NWD2: variants seen among roughly 807,000 people sequenced by gnomAD.
NWD2 encodes NACHT and WD repeat domain containing 2.
In NWD2, 37 loss-of-function variants were observed where a neutral mutation model predicts 132.7. The observed-to-expected ratio is 0.28, with a 90% CI of 0.21 to 0.37. NWD2 has a LOEUF of 0.37. Among genes scored for constraint, NWD2 ranks in the 10% least tolerant of loss-of-function variants. The pLI, the probability that NWD2 is intolerant of heterozygous loss-of-function variation, is 1.00. For missense variants in NWD2, 1,592 were observed against 2,122.4 expected, an observed-to-expected ratio of 0.75 and a Z score of 4.91; for synonymous variants, 705 against 803.0, an observed-to-expected ratio of 0.88 and a Z score of 2.06.
At chr4:37,254,449 T>C (rs1184897642) in intron 1 of NWD2, among the ~76,000 whole-genome samples, 1 of 152,236 alleles carries the variant, frequency 6.6e-6, no homozygotes, top group Non-Finnish European at 1.5e-5. Context: ...ACCAGGCAGC[T>C]TAAAGTTCCA....
chr4:37,364,229 C>T (rs1446733411), intron 3 of NWD2, among the ~76,000 whole-genome samples: 2 of 152,204 alleles, frequency 1.3e-5, no homozygotes, highest in East Asian at 3.9e-4. Flanking sequence ...GAGAATCCGT[C>T]CCCACTCCAC....
intron 2 of NWD2, among the ~76,000 whole-genome samples, chr4:37,347,132 T>C (rs1478769324): frequency 1.3e-5 from 2 of 152,122 alleles, no homozygotes; most frequent in Admixed American, 1.3e-4. Context: ...CTAAATTTTT[T>C]TGTATGATTG....
intron 3 of NWD2, among the ~76,000 whole-genome samples, chr4:37,361,943 G>A (rs1386163410): frequency 6.6e-6 from 1 of 152,068 alleles, no homozygotes; most frequent in Non-Finnish European, 1.5e-5. Context: ...CTTCCAAAGG[G>A]CTCCCATAAC....
At chr4:37,318,301 C>T (rs1427537610) in intron 1 of NWD2, among the ~76,000 whole-genome samples, 4 of 152,148 alleles carry the variant, frequency 2.6e-5, no homozygotes, top group Non-Finnish European at 5.9e-5. Context: ...GCTGGGATTA[C>T]AGGCATGAGC....
chr4:37,296,371 G>A (rs549586614), intron 1 of NWD2, among the ~76,000 whole-genome samples: 9 of 152,218 alleles, frequency 5.9e-5, no homozygotes, highest in Admixed American at 3.9e-4. Flanking sequence ...TTGATTGCTC[G>A]ATACAAATAT....
intron 1 of NWD2, among the ~76,000 whole-genome samples, chr4:37,252,963 G>A (rs1193836767): frequency 6.6e-6 from 1 of 152,004 alleles, no homozygotes; most frequent in Admixed American, 6.6e-5. Context: ...TACAGGGAAA[G>A]GAGGAATTAA....
intron 3 of NWD2, among the ~76,000 whole-genome samples, chr4:37,427,747 G>T (rs1290348516): frequency 6.6e-6 from 1 of 152,116 alleles, no homozygotes; most frequent in Non-Finnish European, 1.5e-5. Context: ...GAGCTTTGAG[G>T]CAGTGAATTC....
At chr4:37,336,706 C>T (rs770951850) in intron 2 of NWD2, among the ~76,000 whole-genome samples, 27 of 152,060 alleles carry the variant, frequency 1.8e-4, no homozygotes, top group Admixed American at 1.5e-3. Flanking sequence ...TCTGGGAGGC[C>T]GAGGCGGGTG....
chr4:37,336,957 A>AC (rs1471163594), intron 2 of NWD2, among the ~76,000 whole-genome samples: 2 of 150,910 alleles, frequency 1.3e-5, no homozygotes, highest in South Asian at 4.2e-4. Flanking sequence ...AAAAAGAAAA[A>AC]AAAAAAAAAA....
chr4:37,368,238 T>C (rs188503769), intron 3 of NWD2, among the ~76,000 whole-genome samples: 71 of 152,326 alleles, frequency 4.7e-4, no homozygotes, highest in Admixed American at 7.8e-4. Context: ...CACTTGAAAA[T>C]GCCATAAGTG....
chr4:37,284,344 A>G (rs759961145), intron 1 of NWD2, among the ~76,000 whole-genome samples: 1 of 152,138 alleles, frequency 6.6e-6, no homozygotes, highest in Non-Finnish European at 1.5e-5. Context: ...TCCCTCTATT[A>G]CCTTCAGGTG....
chr4:37,331,538 C>A (rs1719291927), intron 2 of NWD2, among the ~76,000 whole-genome samples: 1 of 150,984 alleles, frequency 6.6e-6, no homozygotes, highest in Non-Finnish European at 1.5e-5. Flanking sequence ...TACAATACCA[C>A]CAGAATCATC....
In NWD2 at chr4:37,326,192, T is replaced by C. The variant is rs574605764; in HGVS notation, c.240+168T>C. 4.6e-5 allele frequency among the ~76,000 whole-genome samples: 7 copies of C among 152,338 alleles called. No individual in the cohort carries two copies. The South Asian group carries it at 1.4e-3, about 32-fold the overall frequency. ...TGACAAATGGAAATAAAGTATTTCA[T>C]CATTTTTTATGTTTAGTTCTTTTAT... is the stretch of plus-strand genomic sequence containing the variant. On this transcript the variant is annotated intron_variant, in intron 2 of 6. Coordinates refer to ENST00000309447, the MANE Select transcript of NWD2 (RefSeq NM_001144990.2).
rs1368056127 is a variant in NWD2, at chr4:37,443,389, T to A, written c.1401T>A (p.Leu467=). ...TGAGCTCTGACCTTAGGACTCTCCT[T>A]CTAAGTGTTTGTGAACAATTGGCAG... ...TDMSSDLRTL[L]LSVCEQLAVN... is the part of the protein sequence containing the mutation. Residue 467 remains leucine, a synonymous_variant, in exon 7 of 7, where the codon CTT becomes CTA. Transcript: ENST00000309447. The surrounding 1 kb of genome is among the most constrained non-coding windows in gnomAD (Gnocchi z 4.1). 1.9e-6 allele frequency: 3 copies of A among 1,552,090 alleles called. No homozygotes were observed. The highest frequency in any genetic ancestry group is 4.9e-5 in the East Asian group (2 of 40,922).
At chr4:37,273,701 T>C (rs1717925405) in intron 1 of NWD2, among the ~76,000 whole-genome samples, 1 of 152,038 alleles carries the variant, frequency 6.6e-6, no homozygotes. Flanking sequence ...CCTCAGCAAA[T>C]GTAAAAGGAC....
intron 2 of NWD2, among the ~76,000 whole-genome samples, chr4:37,334,108 G>A (rs1719349788): frequency 6.6e-6 from 1 of 152,148 alleles, no homozygotes; most frequent in Non-Finnish European, 1.5e-5. Flanking sequence ...TGGCATTAAA[G>A]AGGAGATAGA....
intron 1 of NWD2, among the ~76,000 whole-genome samples, chr4:37,284,869 A>G (rs983437090): frequency 1.3e-5 from 2 of 152,138 alleles, no homozygotes; most frequent in African/African-American, 4.8e-5. Flanking sequence ...AGGGATGTCA[A>G]AGAAGGCTGA....
At chr4:37,387,778 G>A (rs1002747932) in intron 3 of NWD2, among the ~76,000 whole-genome samples, 1 of 145,474 alleles carries the variant, frequency 6.9e-6, no homozygotes, top group Non-Finnish European at 1.5e-5. Context: ...AGGTTCAAGC[G>A]ATTCTCCCGC....
chr4:37,423,795 G>A (rs1176062376), intron 3 of NWD2, among the ~76,000 whole-genome samples: 1 of 152,114 alleles, frequency 6.6e-6, no homozygotes, highest in African/African-American at 2.4e-5. Flanking sequence ...TTGACACATA[G>A]AATTAACCAT....
Sources: allele counts gnomAD v4.1 joint callset (sites outside exome capture counted in the v4.1 genomes callset), GRCh38; gene constraint gnomAD v4.1.1; non-coding constraint Gnocchi (gnomAD v3.1); transcripts MANE v1.5; gene names NCBI Gene and HGNC (gene_info 2026-07-23, HGNC 2026-07-21).